Variants in SYCE3 observed in about 807,000 individuals in gnomAD.
The protein encoded by SYCE3 is synaptonemal complex central element protein 3, also known as testis highly expressed gene 2 protein.
SYCE3 carries 3 observed loss-of-function variants against 8.1 expected under a neutral mutation model. The observed-to-expected ratio is 0.37, with a 90% CI of 0.17 to 0.96. The LOEUF is 0.96. SYCE3 is among the 40% of genes least tolerant of loss of function. The pLI is 0.41. For missense variants in SYCE3, 83 were observed against 110.0 expected (o/e 0.75, Z 1.10); for synonymous variants, 36 against 38.7 (o/e 0.93, Z 0.26).
At chr22:50,556,640 C>A (rs1202427640) in intron 1 of SYCE3, among the ~76,000 whole-genome samples, 1 of 152,220 alleles carries the variant, frequency 6.6e-6, no homozygotes, top group Non-Finnish European at 1.5e-5. Context: ...CTTTGCCATA[C>A]AAACGTAGCT....
chr22:50,553,571 C>A (rs1362892019), intron 2 of SYCE3, among the ~76,000 whole-genome samples: 4 of 152,040 alleles, frequency 2.6e-5, no homozygotes, highest in African/African-American at 4.8e-5. Context: ...GATACAAACA[C>A]CCTCCCTCTA....
intron 2 of SYCE3, among the ~76,000 whole-genome samples, chr22:50,552,918 C>T (rs6009991): frequency 0.081 from 12,397 of 152,122 alleles, 1,105 homozygotes; most frequent in African/African-American, 0.22. Flanking sequence ...AGGTGGCTGG[C>T]CGGGCAAGGT....
intron 2 of SYCE3, among the ~76,000 whole-genome samples, chr22:50,552,724 C>T (rs1157610485): frequency 6.6e-6 from 1 of 152,102 alleles, no homozygotes; most frequent in Non-Finnish European, 1.5e-5. Flanking sequence ...TGTGTCCCTC[C>T]CACATTCACC....
intron 1 of SYCE3, among the ~76,000 whole-genome samples, chr22:50,558,106 T>C (rs184138045): frequency 6.2e-4 from 94 of 152,268 alleles, no homozygotes; most frequent in African/African-American, 2.2e-3. Context: ...AGTTGACCAT[T>C]GTAAAGCTCT....
chr22:50,551,308 G>A lies in SYCE3; in HGVS notation c.204C>T (p.Asn68=), dbSNP rs375410166. ...AGTTCTTCTCCATCTCCTCCTTGCAGTTGACGAAGGCATCCTCCAGCCGAC... is the reference window on the plus strand; with the variant it reads ...AGTTCTTCTCCATCTCCTCCTTGCAATTGACGAAGGCATCCTCCAGCCGAC... ...SMRRLEDAFV[N]CKEEMEKNWQ... Residue 68 remains asparagine, a synonymous_variant, in exon 3 of 3, where the codon AAC becomes AAT. Coordinates refer to ENST00000406915, the MANE Select transcript of SYCE3 (RefSeq NM_001123225.3). The A allele has an allele frequency of 1.5e-5, 24 of 1,551,148 alleles. No individual in the cohort carries two copies. The highest frequency in any genetic ancestry group is 4.1e-5 in the African/African-American group (3 of 73,052).
Position 50,551,143 on chromosome 22 carries a change from G to A in SYCE3, c.*102C>T. 7.1e-7 allele frequency: 1 copy of A among 1,405,914 alleles called. No homozygotes were observed. The allele number at this position is 1,405,914 out of a possible 1,614,324, so 87.1% of individuals were successfully genotyped here. A position where few individuals can be genotyped will look rare whatever the true frequency, so the allele number is the denominator to read the frequency against. On this transcript the variant is annotated 3_prime_UTR_variant, in exon 3 of 3. Transcript: ENST00000406915. ...TAAAAATAAGTTTATTAAGAAACAAGTACAGTGCATACAGCTATTCATGTG... is the reference window on the plus strand; with the variant it reads ...TAAAAATAAGTTTATTAAGAAACAAATACAGTGCATACAGCTATTCATGTG...
intron 2 of SYCE3, among the ~76,000 whole-genome samples, chr22:50,552,144 T>A (rs73443386): frequency 0.018 from 2,797 of 152,232 alleles, 81 homozygotes; most frequent in African/African-American, 0.064. Flanking sequence ...AGAACAAAGG[T>A]CATCTCCCCT....
At chr22:50,554,567 G>A (rs924433127) in intron 2 of SYCE3, among the ~76,000 whole-genome samples, 3 of 151,722 alleles carry the variant, frequency 2.0e-5, no homozygotes, top group Non-Finnish European at 2.9e-5. Context: ...GGTGGCAGGC[G>A]CCTGTAATCC....
At chr22:50,556,184 T>A (rs2069858828) in intron 2 of SYCE3, 113 bp downstream of exon 2, 1 of 688,748 alleles carries the variant, frequency 1.5e-6, no homozygotes, top group South Asian at 1.9e-5. Context: ...CTTGAACATA[T>A]GTCCTGAGGA....
intron 1 of SYCE3, among the ~76,000 whole-genome samples, chr22:50,560,557 T>C (rs2069904748): frequency 6.6e-6 from 1 of 152,002 alleles, no homozygotes; most frequent in African/African-American, 2.4e-5. Context: ...TAAAAATATT[T>C]CATGAATTAA....
intron 2 of SYCE3, among the ~76,000 whole-genome samples, chr22:50,554,216 C>T (rs1027266797): frequency 4.7e-5 from 7 of 147,686 alleles, no homozygotes; most frequent in South Asian, 2.1e-4. Flanking sequence ...AAAAGCAATA[C>T]GCAGCGTAGG....
chr22:50,557,127 T>C (rs751404716), intron 1 of SYCE3, among the ~76,000 whole-genome samples: 10 of 151,574 alleles, frequency 6.6e-5, no homozygotes, highest in Non-Finnish European at 1.5e-4. Context: ...CTTACACATC[T>C]TCTCGACAAA....
intron 2 of SYCE3, among the ~76,000 whole-genome samples, chr22:50,555,702 A>G (rs948829301): frequency 6.6e-6 from 1 of 152,036 alleles, no homozygotes; most frequent in South Asian, 2.1e-4. Context: ...CTTTCAACCA[A>G]TTGCCAATCA....
At chr22:50,552,216 C>G (rs1283653464) in intron 2 of SYCE3, among the ~76,000 whole-genome samples, 3 of 152,166 alleles carry the variant, frequency 2.0e-5, no homozygotes, top group Non-Finnish European at 4.4e-5. Context: ...TTGTGGAATC[C>G]TCACAAGCAT....
At chr22:50,555,986 G>A (rs756339636) in intron 2 of SYCE3, among the ~76,000 whole-genome samples, 3 of 151,986 alleles carry the variant, frequency 2.0e-5, no homozygotes, top group Non-Finnish European at 4.4e-5. Context: ...GTAGAGACGA[G>A]GTTTTACTGT....
chr22:50,554,997 C>T (rs555913120), intron 2 of SYCE3, among the ~76,000 whole-genome samples: 3,346 of 151,762 alleles, frequency 0.022, 137 homozygotes, highest in African/African-American at 0.077. Flanking sequence ...TGGCGGGCGC[C>T]TGTAGTCCCA....
intron 2 of SYCE3, among the ~76,000 whole-genome samples, chr22:50,552,608 A>T (rs2069821220): frequency 6.6e-6 from 1 of 152,070 alleles, no homozygotes; most frequent in African/African-American, 2.4e-5. Flanking sequence ...TATATACATA[A>T]ATCTCAGTCT....
intron 1 of SYCE3, among the ~76,000 whole-genome samples, chr22:50,561,288 A>T (rs1232162539): frequency 6.6e-6 from 1 of 152,080 alleles, no homozygotes; most frequent in Non-Finnish European, 1.5e-5. Context: ...AGAAGGATGG[A>T]GGCTGGGCCG....
At chr22:50,556,492 A>C in intron 1 of SYCE3, 87 bp from the exon 2 acceptor site, 2 of 941,370 alleles carry the variant, frequency 2.1e-6, no homozygotes, top group East Asian at 2.6e-5. Flanking sequence ...GATTTCTCTA[A>C]GGAATTCTTT....
Sources: allele counts gnomAD v4.1 joint callset (sites outside exome capture counted in the v4.1 genomes callset), GRCh38; gene constraint gnomAD v4.1.1; transcripts MANE v1.5; gene names NCBI Gene and HGNC (gene_info 2026-07-23, HGNC 2026-07-21).